The following MCHR2 variants were observed in gnomAD, a reference collection of about 807,000 sequenced individuals.
MCHR2 encodes melanin-concentrating hormone receptor 2.
In MCHR2, 15 loss-of-function variants were observed where a neutral mutation model predicts 24.8. The observed-to-expected ratio is 0.60, with a 90% CI of 0.40 to 0.93. MCHR2 has a LOEUF of 0.93. Ranked by LOEUF, MCHR2 falls within the 40% of genes least tolerant of loss-of-function variation. The pLI is 0.00. For synonymous variants in MCHR2, 151 were observed against 147.6 expected, an observed-to-expected ratio of 1.02 and a Z score of -0.17; for missense variants, 386 against 408.7, an observed-to-expected ratio of 0.94 and a Z score of 0.48.
At chr6:99,951,143 T>G (rs1313015436) in intron 2 of MCHR2, among the ~76,000 whole-genome samples, 1 of 152,008 alleles carries the variant, frequency 6.6e-6, no homozygotes, top group African/African-American at 2.4e-5. Context: ...AGGAAAGTGG[T>G]GTTGGGGTGA....
Position 99,920,824 on chromosome 6 carries a change from A to G in MCHR2, c.*116T>C. The G allele has an allele frequency of 1.0e-6, 1 of 995,220 alleles. No homozygotes were observed. The highest frequency in any genetic ancestry group is 1.5e-6 in the Non-Finnish European group (1 of 658,864). The allele number at this position is 995,220 out of a possible 1,614,324, so 61.6% of individuals were successfully genotyped here. ...GGTTACACTTCTCTTCCATGCTGCT[A>G]AGAGTCACAAGTACACAAGAAGAAT... On this transcript the variant is annotated 3_prime_UTR_variant, in exon 6 of 6. Coordinates refer to ENST00000281806, the MANE Select transcript of MCHR2 (RefSeq NM_001040179.2).
intron 2 of MCHR2, among the ~76,000 whole-genome samples, chr6:99,955,506 G>T (rs1318612007): frequency 6.6e-6 from 1 of 152,124 alleles, no homozygotes; most frequent in Non-Finnish European, 1.5e-5. Flanking sequence ...GTGAGTAAAA[G>T]AATCTCTTTC....
chr6:99,985,148 C>T (rs552180616), intron 1 of MCHR2, among the ~76,000 whole-genome samples: 1 of 152,118 alleles, frequency 6.6e-6, no homozygotes, highest in African/African-American at 2.4e-5. Context: ...ACAAAAAGAA[C>T]TGCAAAACAC....
chr6:99,992,210 G>A (rs938217886), intron 1 of MCHR2, among the ~76,000 whole-genome samples: 1 of 152,192 alleles, frequency 6.6e-6, no homozygotes, highest in Non-Finnish European at 1.5e-5. Context: ...TCCCTTGCAG[G>A]GATTTAGGAC....
intron 5 of MCHR2, among the ~76,000 whole-genome samples, chr6:99,933,494 C>T (rs897110774): frequency 2.6e-5 from 4 of 151,906 alleles, no homozygotes; most frequent in African/African-American, 9.7e-5. Flanking sequence ...CCAAATGGAC[C>T]ACACTTTACT....
rs61147684 is a variant in MCHR2 at position 99,938,176 on chromosome 6, T to G, written c.588-3659A>C. Among the ~76,000 whole-genome samples the G allele has an allele frequency of 2.0e-3, 311 of 152,048 alleles. 1 individual carries two copies. Among genetic ancestry groups the G allele is most frequent in the African/African-American group, 7.2e-3 (298 of 41,548 alleles). ...TTTTCATTTTGTTGATCGTCTGTAG[T>G]TTTTTTAGTCTCAATTTTATTTATT... On this transcript the variant is annotated intron_variant, in intron 4 of 5. Coordinates refer to ENST00000281806, the MANE Select transcript of MCHR2 (RefSeq NM_001040179.2).
intron 5 of MCHR2, among the ~76,000 whole-genome samples, chr6:99,927,228 G>T (rs1465656552): frequency 6.6e-6 from 1 of 152,112 alleles, no homozygotes; most frequent in Non-Finnish European, 1.5e-5. Context: ...ATGCTGTTTT[G>T]GTTACTGCAG....
At chr6:99,943,927 A>C (rs932035594) in intron 3 of MCHR2, among the ~76,000 whole-genome samples, 31 of 152,292 alleles carry the variant, frequency 2.0e-4, no homozygotes, top group Non-Finnish European at 4.0e-4. Context: ...GCAGGAAGGA[A>C]GAAAATGTGG....
chr6:99,970,882 C>T (rs532774378), intron 1 of MCHR2, among the ~76,000 whole-genome samples: 1 of 152,200 alleles, frequency 6.6e-6, no homozygotes, highest in East Asian at 1.9e-4. Context: ...AGATATGCGG[C>T]ATTATTTCTG....
chr6:99,985,213 G>A (rs531900862), intron 1 of MCHR2, among the ~76,000 whole-genome samples: 92 of 150,692 alleles, frequency 6.1e-4, no homozygotes, highest in African/African-American at 2.1e-3. Flanking sequence ...CTATGCTCAT[G>A]AATTGGAAGA....
chr6:99,926,137 A>C (rs1774352285), intron 5 of MCHR2, among the ~76,000 whole-genome samples: 1 of 152,042 alleles, frequency 6.6e-6, no homozygotes, highest in South Asian at 2.1e-4. Flanking sequence ...TTCCAATTTC[A>C]TCCATGTCCC....
rs548878217 is a variant in MCHR2, at chr6:99,983,338, T to A, written c.-28+10598A>T. Among the ~76,000 whole-genome samples the A allele has an allele frequency of 3.9e-5, 6 of 152,284 alleles. No homozygotes were observed. The East Asian group carries it at 1.2e-3, about 29-fold the overall frequency. On this transcript the variant is annotated intron_variant, in intron 1 of 5. Coordinates refer to ENST00000281806, the MANE Select transcript of MCHR2 (RefSeq NM_001040179.2). ...TCACTCCTGAGTCCTCATACTTAGA[T>A]GTTTGTCTATAGAGGATGTCACAAG...
Position 99,947,915 on chromosome 6 carries a change from A to G in MCHR2, c.239T>C (p.Leu80Ser). The G allele has an allele frequency of 3.7e-6, 6 of 1,613,804 alleles. No homozygotes were observed. The highest frequency in any genetic ancestry group is 5.1e-6 in the Non-Finnish European group (6 of 1,179,782). ...AAAAGGCATTCCAACTATGTGGACC[A>G]AATCAGCCACAGCCAGGTTGCAGAT... Reference protein sequence around the residue: ...IYICNLAVADLVHIVGMPFLI... With the variant: ...IYICNLAVADSVHIVGMPFLI... Residue 80 changes from leucine (L) to serine (S), a missense_variant, in exon 3 of 6, where the codon TTG (leucine) becomes TCG (serine). Transcript: ENST00000281806.
At chr6:99,972,402 A>G (rs1470955875) in intron 1 of MCHR2, among the ~76,000 whole-genome samples, 12 of 152,138 alleles carry the variant, frequency 7.9e-5, no homozygotes, top group Admixed American at 6.5e-4. Context: ...GGGATCAGTG[A>G]TGATATCCCC....
chr6:99,935,632 C>T (rs988701360), intron 4 of MCHR2, among the ~76,000 whole-genome samples: 2 of 151,776 alleles, frequency 1.3e-5, no homozygotes, highest in Non-Finnish European at 2.9e-5. Flanking sequence ...AGATTAATTA[C>T]ATATTTTGGT....
intron 2 of MCHR2, among the ~76,000 whole-genome samples, chr6:99,951,264 A>G (rs1489988382): frequency 6.6e-6 from 1 of 152,126 alleles, no homozygotes; most frequent in African/African-American, 2.4e-5. Context: ...TCATGAGCCT[A>G]TGCCAATGGA....
chr6:99,962,050 T>C (rs1775199666), intron 1 of MCHR2, among the ~76,000 whole-genome samples: 1 of 152,162 alleles, frequency 6.6e-6, no homozygotes, highest in African/African-American at 2.4e-5. Context: ...AAAATCTTTT[T>C]ACCTTTTCAC....
chr6:99,925,368 G>C (rs544437310), intron 5 of MCHR2, among the ~76,000 whole-genome samples: 5 of 151,990 alleles, frequency 3.3e-5, no homozygotes, highest in African/African-American at 2.4e-5. Flanking sequence ...TTTGTCTTTT[G>C]ATTGAAGAGT....
chr6:99,921,236 T>A lies in MCHR2; in HGVS notation c.727A>T (p.Lys243Ter), dbSNP rs200523557. The stretch of plus-strand genomic sequence containing the variant: ...TTTGTCAACTTCATCACTCTCTGTT[T>A]TGGTACACTGGGATTGCAGCTGCAG... ...DARCCNPSVPKQRVMKLTKMV... is the reference protein window; with the variant it reads ...DARCCNPSVP The change falls in exon 6 of 6, where the codon AAA becomes TAA. Residue 243 changes from lysine (K) to a stop codon, truncating the protein, a stop_gained. Coordinates refer to ENST00000281806, the MANE Select transcript of MCHR2 (RefSeq NM_001040179.2). LOFTEE classifies it low-confidence loss of function (END_TRUNC). 15 of 1,613,528 alleles carry A rather than the reference T, an allele frequency of 9.3e-6. No individual in the cohort carries two copies. In the Admixed American group the frequency reaches 1.3e-4, roughly 14 times the overall value.
Sources: allele counts gnomAD v4.1 joint callset (sites outside exome capture counted in the v4.1 genomes callset), GRCh38; gene constraint gnomAD v4.1.1; transcripts MANE v1.5; gene names NCBI Gene and HGNC (gene_info 2026-07-23, HGNC 2026-07-21).